The following NKAIN2 variants were observed in gnomAD, a reference collection of about 807,000 sequenced individuals.
The protein encoded by NKAIN2 is sodium/potassium-transporting ATPase subunit beta-1-interacting protein 2.
Under a neutral mutation model 32.6 loss-of-function variants are expected in NKAIN2, and 14 were observed. The ratio of observed to expected loss-of-function variants is 0.43; its 90% confidence interval spans 0.28 to 0.67. The LOEUF (loss-of-function observed/expected upper bound fraction) is 0.67. NKAIN2 is among the 30% of genes least tolerant of loss of function. The pLI is 0.17. For synonymous variants in NKAIN2, 80 were observed against 87.2 expected (o/e 0.92, Z 0.46); for missense variants, 198 against 258.3 (o/e 0.77, Z 1.60).
At chr6:124,120,997 A>G (rs1265365086) in intron 1 of NKAIN2, among the ~76,000 whole-genome samples, 1 of 152,124 alleles carries the variant, frequency 6.6e-6, no homozygotes, top group African/African-American at 2.4e-5. Flanking sequence ...GAGGGTACTG[A>G]TTAGTCCTAA....
At chr6:124,798,678 T>G (rs142932908) in intron 5 of NKAIN2, among the ~76,000 whole-genome samples, 1 of 152,310 alleles carries the variant, frequency 6.6e-6, no homozygotes, top group Non-Finnish European at 1.5e-5. Context: ...ATGATTTGTT[T>G]TGAACTATGA....
Position 124,541,300 on chromosome 6 carries a change from G to T in NKAIN2, c.274-116886G>T, listed in dbSNP as rs371726558. On this transcript the variant is annotated intron_variant, in intron 3 of 6. Transcript: ENST00000368417. ...TTGAAGTTAAAATATTGAGTGTTTT[G>T]GTCAGATAAGCAAGGGTGAGACACA... Among the ~76,000 whole-genome samples, 4 of 152,168 alleles carry T rather than the reference G, an allele frequency of 2.6e-5. No individual in the cohort carries two copies. The East Asian group carries it at 5.8e-4, about 22-fold the overall frequency.
chr6:124,415,446 G>T (rs144951704), intron 3 of NKAIN2, among the ~76,000 whole-genome samples: 1 of 152,350 alleles, frequency 6.6e-6, no homozygotes, highest in Admixed American at 6.5e-5. Context: ...AGCCATCCTG[G>T]CTATGCCACC....
intron 3 of NKAIN2, among the ~76,000 whole-genome samples, chr6:124,507,687 A>T (rs1583355490): frequency 6.6e-6 from 1 of 152,174 alleles, no homozygotes; most frequent in African/African-American, 2.4e-5. Flanking sequence ...AATACTCAAA[A>T]TACTACATTT....
At chr6:123,841,774 G>A (rs1160047753) in intron 1 of NKAIN2, among the ~76,000 whole-genome samples, 1 of 152,076 alleles carries the variant, frequency 6.6e-6, no homozygotes, top group Non-Finnish European at 1.5e-5. Context: ...ATCAGCAAAA[G>A]GAAAACCAAC....
At chr6:123,911,812 T>TATACACAC (rs1331943561) in intron 1 of NKAIN2, among the ~76,000 whole-genome samples, 9 of 85,012 alleles carry the variant, frequency 1.1e-4, no homozygotes, top group African/African-American at 4.1e-4. Flanking sequence ...TATATATATA[T>TATACACAC]ACACACACAC....
intron 3 of NKAIN2, among the ~76,000 whole-genome samples, chr6:124,655,300 A>ACTCATG (rs1474592715): frequency 4.6e-5 from 7 of 151,964 alleles, no homozygotes; most frequent in African/African-American, 1.4e-4. Context: ...TGAGGCACTT[A>ACTCATG]CTCATGTCTT....
At chr6:124,145,781 C>T (rs922736914) in intron 1 of NKAIN2, among the ~76,000 whole-genome samples, 6 of 151,920 alleles carry the variant, frequency 3.9e-5, no homozygotes, top group East Asian at 1.9e-4. Context: ...CTGGGATTAC[C>T]GGCGTGGACC....
intron 1 of NKAIN2, among the ~76,000 whole-genome samples, chr6:124,054,978 A>T (rs1426813718): frequency 6.6e-6 from 1 of 152,070 alleles, no homozygotes; most frequent in African/African-American, 2.4e-5. Flanking sequence ...AAGGTAAATG[A>T]TCTTTGTTAA....
At chr6:124,558,648 A>G (rs140104886) in intron 3 of NKAIN2, among the ~76,000 whole-genome samples, 6 of 152,292 alleles carry the variant, frequency 3.9e-5, no homozygotes, top group Admixed American at 2.0e-4. Context: ...CTTTGCCTCA[A>G]TAATTATGCC....
chr6:123,828,247 T>G (rs1232657226), intron 1 of NKAIN2, among the ~76,000 whole-genome samples: 3 of 152,154 alleles, frequency 2.0e-5, no homozygotes, highest in Non-Finnish European at 4.4e-5. Context: ...TATTTGCCTC[T>G]GTATTACCTG....
rs113877967 is a variant in NKAIN2 at position 124,507,534 on chromosome 6, C to G, written c.274-150652C>G. Among the ~76,000 whole-genome samples the G allele has an allele frequency of 6.9e-3, 1,050 of 152,202 alleles. 11 individuals are homozygous for G. Among genetic ancestry groups the G allele is most frequent in the African/African-American group, 0.024 (1,001 of 41,534 alleles). On this transcript the variant is annotated intron_variant, in intron 3 of 6. Transcript: ENST00000368417. ...TCAGCGTATCCATCTTTAATTGCAT[C>G]TAAACATTTCTCTCTATCACAACTA...
At chr6:124,132,241 C>T (rs1047649847) in intron 1 of NKAIN2, among the ~76,000 whole-genome samples, 3 of 152,174 alleles carry the variant, frequency 2.0e-5, no homozygotes, top group African/African-American at 4.8e-5. Context: ...CCCTGTCCCC[C>T]ACAGTGGCTA....
At chr6:124,777,766 T>G (rs141982920) in intron 4 of NKAIN2, among the ~76,000 whole-genome samples, 2 of 152,102 alleles carry the variant, frequency 1.3e-5, no homozygotes, top group African/African-American at 2.4e-5. Flanking sequence ...GAGGACCTTT[T>G]AGAGTGGAGG....
At chr6:124,042,712 A>G (rs1781926379) in intron 1 of NKAIN2, among the ~76,000 whole-genome samples, 1 of 152,098 alleles carries the variant, frequency 6.6e-6, no homozygotes, top group Non-Finnish European at 1.5e-5. Context: ...AGAGCTAGTT[A>G]ACAGGAATAA....
chr6:124,700,875 C>CAT (rs1774746249), intron 4 of NKAIN2, among the ~76,000 whole-genome samples: 1 of 150,080 alleles, frequency 6.7e-6, no homozygotes, highest in Non-Finnish European at 1.5e-5. Context: ...TTTCCTGACA[C>CAT]ACACACACAC....
chr6:124,021,967 C>A (rs1483824784), intron 1 of NKAIN2, among the ~76,000 whole-genome samples: 1 of 152,134 alleles, frequency 6.6e-6, no homozygotes, highest in South Asian at 2.1e-4. Flanking sequence ...CATATGTATA[C>A]ATGTGCTATG....
intron 5 of NKAIN2, among the ~76,000 whole-genome samples, chr6:124,815,867 C>T (rs546521933): frequency 6.6e-6 from 1 of 152,188 alleles, no homozygotes; most frequent in South Asian, 2.1e-4. Flanking sequence ...CACCATATGT[C>T]TCATCCAGGA....
intron 4 of NKAIN2, among the ~76,000 whole-genome samples, chr6:124,741,811 T>C (rs1189113119): frequency 2.0e-5 from 3 of 151,920 alleles, no homozygotes; most frequent in Non-Finnish European, 4.4e-5. Flanking sequence ...GGTTTCAATG[T>C]GTAAGCCACT....
Sources: gnomAD v4.1 joint callset for allele counts (sites outside exome capture counted in the v4.1 genomes callset) on GRCh38, gnomAD v4.1.1 for gene constraint, MANE v1.5 for transcripts, NCBI Gene and HGNC (gene_info 2026-07-23, HGNC 2026-07-21) for gene names.